Variants in COBLL1 observed in about 807,000 individuals in gnomAD.
The protein encoded by COBLL1 is cordon-bleu protein-like 1.
COBLL1 carries 50 observed loss-of-function variants against 94.8 expected under a neutral mutation model. The ratio of observed to expected loss-of-function variants is 0.53; its 90% CI spans 0.42 to 0.67. The LOEUF (loss-of-function observed/expected upper bound fraction) is 0.67, where lower values mean the gene tolerates loss of function less well. Ranked by LOEUF, COBLL1 falls within the 30% of genes least tolerant of loss-of-function variation. The pLI is 0.00. For synonymous variants in COBLL1, 448 were observed against 473.8 expected (o/e 0.95, Z 0.71); for missense variants, 1,362 against 1,348.7 (o/e 1.01, Z -0.15).
chr2:164,826,712 T>C (rs1685443618), intron 2 of COBLL1, among the ~76,000 whole-genome samples: 1 of 152,154 alleles, frequency 6.6e-6, no homozygotes, highest in Non-Finnish European at 1.5e-5. Flanking sequence ...CTGGACCAGT[T>C]TTATTTGAAA....
chr2:164,694,588 TCAG>T lies in COBLL1; in HGVS notation c.2801_2803del (p.Thr934_Asp935delinsAsn). ...AGGAGCCTGACCGATGACATCATCA[TCAG>T]TTTTTTCAACAAGGGGTTGTGGAAC... is the stretch of plus-strand genomic sequence containing the variant. On this transcript the variant is annotated inframe_deletion, in exon 12 of 14. Coordinates refer to ENST00000652658, the MANE Select transcript of COBLL1 (RefSeq NM_001365672.2). 6.2e-7 allele frequency: 1 copy of T among 1,613,950 alleles called. No individual in the cohort carries two copies. Among genetic ancestry groups the T allele is most frequent in the Non-Finnish European group, 8.5e-7 (1 of 1,179,954 alleles).
intron 2 of COBLL1, among the ~76,000 whole-genome samples, chr2:164,823,645 T>C (rs1263958120): frequency 2.0e-5 from 3 of 152,178 alleles, no homozygotes; most frequent in Non-Finnish European, 4.4e-5. Flanking sequence ...ACCAACTCAT[T>C]CTCATAGATG....
intron 2 of COBLL1, among the ~76,000 whole-genome samples, chr2:164,781,555 C>A (rs1294754230): frequency 6.6e-6 from 1 of 152,156 alleles, no homozygotes; most frequent in African/African-American, 2.4e-5. Context: ...AGACACATAT[C>A]TTTATGGATA....
chr2:164,718,507 T>C (rs1193769125), intron 7 of COBLL1, among the ~76,000 whole-genome samples: 2 of 152,202 alleles, frequency 1.3e-5, no homozygotes, highest in African/African-American at 4.8e-5. Flanking sequence ...GCATGAATAT[T>C]GGTTTTAATA....
chr2:164,791,505 C>T lies in COBLL1; in HGVS notation c.42-47630G>A, dbSNP rs1056518251. ...AGACAGACAGACAGACAGATATATA[C>T]ATACCTATATACACATACATACATA... is the stretch of plus-strand genomic sequence containing the variant. On this transcript the variant is annotated intron_variant, in intron 2 of 13. Coordinates refer to ENST00000652658, the MANE Select transcript of COBLL1 (RefSeq NM_001365672.2). Among the ~76,000 whole-genome samples the T allele has an allele frequency of 6.6e-5, 10 of 152,116 alleles. 1 individual carries two copies. The highest frequency in any genetic ancestry group is 2.4e-4 in the African/African-American group (10 of 41,424).
intron 2 of COBLL1, among the ~76,000 whole-genome samples, chr2:164,803,060 A>G (rs1406120377): frequency 6.6e-6 from 1 of 152,208 alleles, no homozygotes; most frequent in Non-Finnish European, 1.5e-5. Context: ...CTCAAATAAA[A>G]AATTTTCCAC....
intron 7 of COBLL1, among the ~76,000 whole-genome samples, chr2:164,719,905 T>A (rs1175282137): frequency 6.6e-6 from 1 of 151,038 alleles, no homozygotes; most frequent in African/African-American, 2.4e-5. Flanking sequence ...ACCTCCAAAT[T>A]TAGAAAATGA....
chr2:164,685,937 G>A lies in COBLL1; in HGVS notation c.*9C>T, dbSNP rs200228679. The A allele has an allele frequency of 3.2e-4, 502 of 1,567,344 alleles. 2 individuals are homozygous for A. In the African/African-American group the frequency reaches 6.1e-3, roughly 19 times the overall value. On this transcript the variant is annotated 3_prime_UTR_variant, in exon 14 of 14. Transcript: ENST00000652658. ...GGAAGTGAAGTGCAGTGGTGTGGCA[G>A]GGTAACATTTAATGGCCGTCCTGGG...
At chr2:164,715,907 C>T (rs924844105) in intron 7 of COBLL1, among the ~76,000 whole-genome samples, 9 of 152,120 alleles carry the variant, frequency 5.9e-5, no homozygotes, top group African/African-American at 2.2e-4. Context: ...AAATTGATTG[C>T]TGTTGTATAT....
intron 7 of COBLL1, chr2:164,721,676 A>T (rs1428928520): frequency 6.5e-6 from 1 of 153,104 alleles, no homozygotes; most frequent in Non-Finnish European, 1.5e-5. Context: ...ACCCATGAAC[A>T]CAACTCAAAG....
At chr2:164,817,013 G>A (rs921096393) in intron 2 of COBLL1, among the ~76,000 whole-genome samples, 1 of 152,174 alleles carries the variant, frequency 6.6e-6, no homozygotes, top group Non-Finnish European at 1.5e-5. Context: ...TAGCCAGGGA[G>A]TCAGAACCCA....
intron 2 of COBLL1, among the ~76,000 whole-genome samples, chr2:164,826,796 G>A (rs355809): frequency 0.14 from 21,858 of 152,112 alleles, 2,481 homozygotes; most frequent in African/African-American, 0.32. Flanking sequence ...TAAGGCAGCC[G>A]GCAGAGTTAA....
downstream of COBLL1, among the ~76,000 whole-genome samples, chr2:164,679,166 G>A (rs1391468606): frequency 6.6e-6 from 1 of 152,034 alleles, no homozygotes; most frequent in African/African-American, 2.4e-5. Context: ...TGTCTCCTCT[G>A]ACTTTGATTC....
Position 164,805,321 on chromosome 2 carries a change from CTCTCTCTCTCTCTCTCTATA to C in COBLL1, c.41+35815_41+35834del, listed in dbSNP as rs1299984659. On this transcript the variant is annotated intron_variant, in intron 2 of 13. Transcript: ENST00000652658. ...TCTCTCTCTCTCTCTCTCTCTCTCT[CTCTCTCTCTCTCTCTCTATA>C]TATATATATATATATATATATAAAA... Among the ~76,000 whole-genome samples, 26 of 35,588 alleles carry C rather than the reference CTCTCTCTCTCTCTCTCTATA, an allele frequency of 7.3e-4. 1 individual carries two copies. The highest frequency in any genetic ancestry group is 6.9e-3 in the East Asian group (12 of 1,736). The allele number at this position is 35,588 out of a possible 152,430, so 23.3% of individuals were successfully genotyped here.
At chr2:164,796,705 C>CAAA (rs34412964) in intron 2 of COBLL1, among the ~76,000 whole-genome samples, 4,430 of 84,562 alleles carry the variant, frequency 0.052, 197 homozygotes, top group African/African-American at 0.12. Flanking sequence ...GCTGGCCTTC[C>CAAA]AAAAAAAAAA....
intron 2 of COBLL1, among the ~76,000 whole-genome samples, chr2:164,786,766 T>G (rs1688981320): frequency 6.6e-6 from 1 of 152,144 alleles, no homozygotes; most frequent in Non-Finnish European, 1.5e-5. Context: ...CACACCATTC[T>G]AATGATTTCC....
intron 2 of COBLL1, among the ~76,000 whole-genome samples, chr2:164,784,943 T>C (rs1175572033): frequency 6.6e-6 from 1 of 152,114 alleles, no homozygotes; most frequent in Non-Finnish European, 1.5e-5. Flanking sequence ...AGGTGGGGCC[T>C]AATGAGAGAT....
At chr2:164,833,537 G>A (rs1324517708) in intron 2 of COBLL1, among the ~76,000 whole-genome samples, 1 of 147,900 alleles carries the variant, frequency 6.8e-6, no homozygotes, top group Non-Finnish European at 1.5e-5. Flanking sequence ...TGCAAGCTCC[G>A]CCTCCCGGGT....
rs370744487 is a variant in COBLL1, at chr2:164,756,321, A to G, written c.42-12446T>C. ...TTAATATTCACTATGATAGCCAGTT[A>G]CTGAGATGCTAAGTAACATAATTCT... On this transcript the variant is annotated intron_variant, in intron 2 of 13. Transcript: ENST00000652658. 2.3e-3 allele frequency among the ~76,000 whole-genome samples: 348 copies of G among 150,744 alleles called. 3 individuals are homozygous for G. The Middle Eastern group carries it at 0.024, about 10-fold the overall frequency.
Sources: gnomAD v4.1 joint callset for allele counts (sites outside exome capture counted in the v4.1 genomes callset) on GRCh38, gnomAD v4.1.1 for gene constraint, MANE v1.5 for transcripts, NCBI Gene and HGNC (gene_info 2026-07-23, HGNC 2026-07-21) for gene names.